The following HSP90AA1 variants were observed in gnomAD, a reference collection of about 807,000 sequenced individuals.
HSP90AA1 encodes heat shock protein 90 alpha family class A member 1.
Under a neutral mutation model 73.3 loss-of-function variants are expected in HSP90AA1, and 18 were observed. The ratio of observed to expected loss-of-function variants is 0.25; its 90% confidence interval spans 0.17 to 0.36. HSP90AA1 has a LOEUF of 0.36. Among genes scored for constraint, HSP90AA1 ranks in the 10% least tolerant of loss-of-function variants. The pLI is 1.00. For missense variants in HSP90AA1, 704 were observed against 874.2 expected, an observed-to-expected ratio of 0.81 and a Z score of 2.45; for synonymous variants, 477 against 296.9, an observed-to-expected ratio of 1.61 and a Z score of -6.24.
exon 1 of HSP90AA1, chr14:102,139,556 C>T (rs1311481371): frequency 2.4e-6 from 2 of 819,624 alleles, no homozygotes; most frequent in African/African-American, 3.5e-5. Flanking sequence ...AGGCTCATGA[C>T]ACCAGCCCCG....
chr14:102,106,331 A>G (rs1046013044), intron 1 of HSP90AA1, among the ~76,000 whole-genome samples: 2 of 152,082 alleles, frequency 1.3e-5, no homozygotes, highest in African/African-American at 4.8e-5. Context: ...TTTTTTGATC[A>G]AAGTATTTTG....
rs55939762 is a variant in HSP90AA1 at position 102,136,057 on chromosome 14, A to G, written c.155+3193T>C. 4.6e-3 allele frequency among the ~76,000 whole-genome samples: 703 copies of G among 152,348 alleles called. 7 individuals carry two copies. The highest frequency in any genetic ancestry group is 0.016 in the African/African-American group (661 of 41,576). On this transcript the variant is annotated intron_variant, in intron 1 of 11. Coordinates refer to the HSP90AA1 transcript ENST00000334701. ...GCAAGCCAGGGCTCTGAGGACTGCC[A>G]GCACGTTGTAACCTCTCAGTATGAC... is the stretch of plus-strand genomic sequence containing the variant.
chr14:102,102,834 G>C (rs530653602), intron 1 of HSP90AA1, among the ~76,000 whole-genome samples: 5 of 152,154 alleles, frequency 3.3e-5, no homozygotes, highest in Admixed American at 3.3e-4. Flanking sequence ...CTAGGAGTTT[G>C]AGCCTAGCCT....
intron 1 of HSP90AA1, among the ~76,000 whole-genome samples, chr14:102,114,467 A>G (rs1031118500): frequency 3.9e-5 from 6 of 152,214 alleles, no homozygotes; most frequent in Admixed American, 2.6e-4. Context: ...AGGGTATTCT[A>G]CATGGGCAAT....
At chr14:102,097,322 TAA>T (rs5811055) in intron 2 of HSP90AA1, among the ~76,000 whole-genome samples, 39 of 143,394 alleles carry the variant, frequency 2.7e-4, no homozygotes, top group Admixed American at 3.5e-4. Flanking sequence ...AATGGAGGGT[TAA>T]AAAAAAAAAA....
chr14:102,115,993 C>T (rs2049701420), intron 1 of HSP90AA1, among the ~76,000 whole-genome samples: 1 of 151,168 alleles, frequency 6.6e-6, no homozygotes, highest in Non-Finnish European at 1.5e-5. Context: ...GCTCTGTCGC[C>T]CAGGCTAGAG....
At position 102,085,309 on chromosome 14, in the gene HSP90AA1, T is replaced by G. The variant is rs748614968; in HGVS notation, c.652A>C (p.Ile218Leu). Reference protein sequence around the residue: ...KKHSQFIGYPITLFVEKERDK... With the variant: ...KKHSQFIGYPLTLFVEKERDK... ...ACATAAAAACTTACAAAAAGAGTAA[T>G]GGGATATCCAATAAACTGAGAATGT... is the stretch of plus-strand genomic sequence containing the variant. Residue 218 changes from isoleucine (I) to leucine (L), a missense_variant, in exon 4 of 11, where the codon ATT becomes CTT. Physicochemically the swap from Ile to Leu is conservative, Grantham distance 5. Coordinates refer to ENST00000216281, the MANE Select transcript of HSP90AA1 (RefSeq NM_005348.4). 1.2e-6 allele frequency: 2 copies of G among 1,612,146 alleles called. No homozygotes were observed. The highest frequency in any genetic ancestry group is 1.7e-6 in the Non-Finnish European group (2 of 1,178,780).
At chr14:102,087,197 C>A (rs2049266223), upstream of HSP90AA1, 1 of 981,416 alleles carries the variant, frequency 1.0e-6, no homozygotes, top group African/African-American at 1.8e-5. Context: ...GGCACCCCGC[C>A]CCCGCGCCTT....
chr14:102,082,531 C>G (rs994424563), intron 9 of HSP90AA1, 87 bp from the exon 10 acceptor site: 23 of 972,828 alleles, frequency 2.4e-5, no homozygotes, highest in Non-Finnish European at 3.5e-5. Context: ...ACCCAAATTT[C>G]AATAGATCCA....
In HSP90AA1 at chr14:102,083,812, T is replaced by G. The variant is rs753818346; in HGVS notation, c.1319A>C (p.Gln440Pro). ...ACCAACCTTTATGTTTTTAGAGAAC[T>G]GCTCATAGAATTTCTTGTAGTTCTC... ...DKENYKKFYE[Q>P]FSKNIKLGIH... is the part of the protein sequence containing the mutation. Residue 440 changes from glutamine to proline, a missense_variant, in exon 7 of 11, where the codon CAG (glutamine) becomes CCG (proline). Coordinates refer to ENST00000216281, the MANE Select transcript of HSP90AA1 (RefSeq NM_005348.4). The G allele has an allele frequency of 6.2e-7, 1 of 1,613,506 alleles. No homozygotes were observed. The highest frequency in any genetic ancestry group is 8.5e-7 in the Non-Finnish European group (1 of 1,179,740).
intron 3 of HSP90AA1, 99 bp from the exon 4 acceptor site, chr14:102,085,530 G>A (rs2049207220): frequency 6.8e-6 from 9 of 1,320,740 alleles, no homozygotes; most frequent in South Asian, 6.0e-5. Flanking sequence ...AAGGTTTGCC[G>A]TTACTACAGA....
chr14:102,083,211 A>C lies in HSP90AA1; in HGVS notation c.1578T>G (p.Asp526Glu). The change falls in exon 9 of 11, where the codon GAT (aspartate) becomes GAG (glutamate). Residue 526 changes from aspartate to glutamate, a missense_variant. Asp to Glu is a conservative substitution (Grantham distance 45). Coordinates refer to ENST00000216281, the MANE Select transcript of HSP90AA1 (RefSeq NM_005348.4). Reference sequence around the variant, plus strand: ...CCTTCAGCTGTTGGACACAGTACTCATCAATGGGCTCAATCATATAGATCA... The same window carrying C: ...CCTTCAGCTGTTGGACACAGTACTCCTCAATGGGCTCAATCATATAGATCA... ...LEVIYMIEPIDEYCVQQLKEF... is the reference protein window; with the variant it reads ...LEVIYMIEPIEEYCVQQLKEF... 6.2e-7 allele frequency: 1 copy of C among 1,614,154 alleles called. No individual in the cohort carries two copies. The highest frequency in any genetic ancestry group is 8.5e-7 in the Non-Finnish European group (1 of 1,180,010).
intron 1 of HSP90AA1, among the ~76,000 whole-genome samples, chr14:102,103,221 ATTTT>A (rs1244776166): frequency 9.9e-6 from 1 of 101,006 alleles, no homozygotes; most frequent in Non-Finnish European, 2.0e-5. Context: ...GTGGGAGTTG[ATTTT>A]TTTTTTTTTT....
intron 1 of HSP90AA1, among the ~76,000 whole-genome samples, chr14:102,104,473 A>T (rs1414508392): frequency 6.6e-6 from 1 of 152,066 alleles, no homozygotes; most frequent in Non-Finnish European, 1.5e-5. Flanking sequence ...TTAGCCTCCC[A>T]AAGTGCTGGG....
intron 1 of HSP90AA1, among the ~76,000 whole-genome samples, chr14:102,130,776 C>G (rs906783555): frequency 1.3e-5 from 2 of 152,160 alleles, no homozygotes; most frequent in African/African-American, 4.8e-5. Flanking sequence ...GTTGCCCAGG[C>G]TGGAGTGTAG....
chr14:102,135,596 G>A (rs892728914), intron 1 of HSP90AA1, among the ~76,000 whole-genome samples: 2 of 152,254 alleles, frequency 1.3e-5, no homozygotes, highest in African/African-American at 4.8e-5. Context: ...GGCCGCACAG[G>A]AACCAATGGA....
In HSP90AA1 at chr14:102,086,471, A is replaced by C. The variant is rs888179214; in HGVS notation, c.1-93T>G. On this transcript the variant is annotated intron_variant, in intron 1 of 10. Transcript: ENST00000216281. ...CGTTCTCCAAATATTTTTAAAGCCG[A>C]ATTGGAGATTTGCGAAGTTTAAGTA... 13 of 1,424,538 alleles carry C rather than the reference A, an allele frequency of 9.1e-6. No individual in the cohort carries two copies. In the Admixed American group the frequency reaches 2.0e-4, roughly 22 times the overall value. The allele number at this position is 1,424,538 out of a possible 1,614,324, so 88.2% of individuals were successfully genotyped here. A position where few individuals can be genotyped will look rare whatever the true frequency, so the allele number is the denominator to read the frequency against.
intron 2 of HSP90AA1, among the ~76,000 whole-genome samples, chr14:102,096,891 A>G (rs2152618095): frequency 6.6e-6 from 1 of 152,342 alleles, no homozygotes; most frequent in East Asian, 1.9e-4. Context: ...TGTGACCTCC[A>G]GTATAGATCA....
intron 1 of HSP90AA1, among the ~76,000 whole-genome samples, chr14:102,118,007 C>T (rs1024744934): frequency 6.6e-6 from 1 of 152,202 alleles, no homozygotes; most frequent in Non-Finnish European, 1.5e-5. Context: ...GCACCTGGAG[C>T]TGCCTGCTCC....
Sources: gnomAD v4.1 joint callset for allele counts (sites outside exome capture counted in the v4.1 genomes callset) on GRCh38, gnomAD v4.1.1 for gene constraint, MANE v1.5 for transcripts, NCBI Gene and HGNC (gene_info 2026-07-23, HGNC 2026-07-21) for gene names.